ENKUR: variants seen among roughly 807,000 people sequenced by gnomAD.
The protein encoded by ENKUR is enkurin.
A neutral mutation model predicts 27.6 loss-of-function variants in ENKUR; 19 were observed. The observed-to-expected ratio is 0.69, with a 90% CI of 0.48 to 1.01. The LOEUF (loss-of-function observed/expected upper bound fraction) is 1.01, where lower values mean the gene tolerates loss of function less well. ENKUR is among the 50% of genes least tolerant of loss of function. The pLI, the probability that ENKUR is intolerant of heterozygous loss-of-function variation, is 0.00. For missense variants in ENKUR, 312 were observed against 310.5 expected, an observed-to-expected ratio of 1.00 and a Z score of -0.04; for synonymous variants, 117 against 96.9, an observed-to-expected ratio of 1.21 and a Z score of -1.22.
intron 2 of ENKUR, among the ~76,000 whole-genome samples, chr10:25,059,119 A>ATTCTTTTTCT (rs1851297607): frequency 1.4e-5 from 2 of 140,116 alleles, no homozygotes; most frequent in Non-Finnish European, 3.1e-5. Context: ...TTGCCCTAAT[A>ATTCTTTTTCT]TTCTTTTTCT....
At chr10:25,000,277 TGAAAA>T (rs1163555664) in intron 1 of ENKUR, among the ~76,000 whole-genome samples, 2 of 152,156 alleles carry the variant, frequency 1.3e-5, no homozygotes, top group Non-Finnish European at 2.9e-5. Context: ...TGTATACACT[TGAAAA>T]GAAAGTATGT....
At chr10:24,997,124 G>C (rs1475497461) in intron 2 of ENKUR, among the ~76,000 whole-genome samples, 3 of 152,164 alleles carry the variant, frequency 2.0e-5, no homozygotes, top group Non-Finnish European at 2.9e-5. Context: ...TGAGGCAGGA[G>C]GATTGCTTGA....
At chr10:25,058,966 G>A (rs951650556) in intron 2 of ENKUR, among the ~76,000 whole-genome samples, 1 of 150,108 alleles carries the variant, frequency 6.7e-6, no homozygotes, top group Non-Finnish European at 1.5e-5. Context: ...GGAGACCCAG[G>A]GCCCACCTGA....
upstream of ENKUR, chr10:25,016,189 CG>C: frequency 8.5e-7 from 1 of 1,175,346 alleles, no homozygotes; most frequent in East Asian, 3.9e-5. Flanking sequence ...TACTAGGCAA[CG>C]AGGAAGTGGC....
At chr10:24,986,406 C>A (rs765978161) in intron 4 of ENKUR, among the ~76,000 whole-genome samples, 8 of 152,034 alleles carry the variant, frequency 5.3e-5, no homozygotes, top group Non-Finnish European at 1.0e-4. Flanking sequence ...AAAAAGTATC[C>A]AGGTTAAATT....
Position 25,010,579 on chromosome 10 carries a change from T to A in ENKUR, c.77+5281A>T, listed in dbSNP as rs547866526. Among the ~76,000 whole-genome samples, 46 of 151,698 alleles carry A rather than the reference T, an allele frequency of 3.0e-4. 1 individual carries two copies. The highest frequency in any genetic ancestry group is 1.1e-3 in the African/African-American group (46 of 41,432). On this transcript the variant is annotated intron_variant, in intron 1 of 5. Coordinates refer to ENST00000331161, the MANE Select transcript of ENKUR (RefSeq NM_145010.4). ...ATTTAGCATTAGGTATATCTCCTAA[T>A]GCTATCCCTCCCCCCTACCCCCACC...
intron 2 of ENKUR, among the ~76,000 whole-genome samples, chr10:25,052,206 T>A (rs1851194096): frequency 6.6e-6 from 1 of 152,172 alleles, no homozygotes; most frequent in African/African-American, 2.4e-5. Context: ...ATTACCTTAG[T>A]TGAGCAATTT....
intron 2 of ENKUR, among the ~76,000 whole-genome samples, chr10:25,021,299 T>G (rs1011220318): frequency 6.6e-6 from 1 of 152,240 alleles, no homozygotes; most frequent in African/African-American, 2.4e-5. Flanking sequence ...AAGAGTTTTA[T>G]TTGGGCTTTT....
chr10:24,995,339 A>G (rs937089330), intron 3 of ENKUR, among the ~76,000 whole-genome samples: 5 of 152,214 alleles, frequency 3.3e-5, no homozygotes, highest in Admixed American at 3.3e-4. Context: ...GCTTTTAGTG[A>G]CATTTCCAAC....
At chr10:25,047,311 T>C (rs1390603125) in intron 2 of ENKUR, among the ~76,000 whole-genome samples, 3 of 152,184 alleles carry the variant, frequency 2.0e-5, no homozygotes, top group Admixed American at 2.0e-4. Context: ...TCTTTCTAGG[T>C]CACTCAGTAT....
At chr10:25,057,661 G>A (rs1359598369) in intron 2 of ENKUR, among the ~76,000 whole-genome samples, 2 of 152,136 alleles carry the variant, frequency 1.3e-5, no homozygotes, top group Admixed American at 1.3e-4. Context: ...GTGGGATAAG[G>A]AAATGGTCTT....
Position 25,024,630 on chromosome 10 carries a change from C to T in ENKUR, c.38-28761G>A, listed in dbSNP as rs753128580. On this transcript the variant is annotated intron_variant, in intron 2 of 5. Transcript: ENST00000615958. ...ATGGAACAATCTTAAGTTCGGCTAACTCCATAAACTGGGGCCGACTACTTC... is the reference window on the plus strand; with the variant it reads ...ATGGAACAATCTTAAGTTCGGCTAATTCCATAAACTGGGGCCGACTACTTC... 5 of 1,614,238 alleles carry T rather than the reference C, an allele frequency of 3.1e-6. 1 individual carries two copies. In the South Asian group the frequency reaches 5.5e-5, roughly 18 times the overall value.
chr10:25,061,613 C>T (rs1213848088), intron 1 of ENKUR, among the ~76,000 whole-genome samples: 1 of 152,204 alleles, frequency 6.6e-6, no homozygotes, highest in Non-Finnish European at 1.5e-5. Context: ...TAAACCCAGT[C>T]TCAAACAAAA....
chr10:25,055,520 A>G (rs751161182), intron 2 of ENKUR, among the ~76,000 whole-genome samples: 2 of 145,922 alleles, frequency 1.4e-5, no homozygotes, highest in African/African-American at 2.6e-5. Context: ...ATTCTCATAC[A>G]TCATTCAGGG....
At chr10:25,027,035 G>A (rs1449676755) in intron 2 of ENKUR, among the ~76,000 whole-genome samples, 1 of 151,918 alleles carries the variant, frequency 6.6e-6, no homozygotes, top group East Asian at 1.9e-4. Flanking sequence ...TTTAGAAACT[G>A]CCTCTAAATA....
At chr10:24,992,742 T>G (rs1269204683) in intron 3 of ENKUR, among the ~76,000 whole-genome samples, 1 of 152,204 alleles carries the variant, frequency 6.6e-6, no homozygotes, top group Non-Finnish European at 1.5e-5. Context: ...GTCATCACAG[T>G]GTAACTTAAC....
In ENKUR at chr10:24,995,646, CT is replaced by C; in HGVS notation, c.446del (p.Lys149ArgfsTer17). 1 of 1,606,496 alleles carries C rather than the reference CT, an allele frequency of 6.2e-7. No individual in the cohort carries two copies. ...TCTTATTAATATACCACAAGGCTAC[CT>C]TTTTATTGATGTACTTTGGAACTAG... ...SGLVPKYINK[K>X]DYGVTPEYIC... On this transcript the variant is annotated frameshift_variant and splice_region_variant, in exon 3 of 6. Transcript: ENST00000331161. LOFTEE classifies it high-confidence loss of function.
chr10:24,988,865 A>C (rs945709357), intron 4 of ENKUR, among the ~76,000 whole-genome samples: 1 of 151,810 alleles, frequency 6.6e-6, no homozygotes. Flanking sequence ...ATCGAACTAC[A>C]TGCAACTCTT....
upstream of ENKUR, chr10:25,062,306 T>A (rs1851338532): frequency 6.6e-6 from 1 of 152,214 alleles, no homozygotes; most frequent in Non-Finnish European, 1.5e-5. Flanking sequence ...ATGCCTGCTT[T>A]TCAGTGTCTA....
Sources: allele counts gnomAD v4.1 joint callset (sites outside exome capture counted in the v4.1 genomes callset), GRCh38; gene constraint gnomAD v4.1.1; transcripts MANE v1.5; gene names NCBI Gene and HGNC (gene_info 2026-07-23, HGNC 2026-07-21).